Variants in FGD2 observed in about 807,000 individuals in gnomAD.
FGD2 encodes the protein FYVE, RhoGEF and PH domain-containing protein 2.
FGD2 carries 52 observed loss-of-function variants against 75.9 expected under a neutral mutation model. The ratio of observed to expected loss-of-function variants is 0.69; its 90% CI spans 0.55 to 0.86. FGD2 has a LOEUF of 0.86. FGD2 is among the 40% of genes least tolerant of loss of function. The probability of loss-of-function intolerance (pLI) is 0.00; values close to 1 mark genes in which losing one functional copy is unlikely to be tolerated. For missense variants in FGD2, 790 were observed against 872.0 expected (o/e 0.91, Z 1.18); for synonymous variants, 347 against 348.6 (o/e 1.00, Z 0.05).
At chr6:37,015,298 T>C (rs145002743) in intron 8 of FGD2, among the ~76,000 whole-genome samples, 1 of 152,348 alleles carries the variant, frequency 6.6e-6, no homozygotes, top group East Asian at 1.9e-4. Context: ...CCAGTCTGAC[T>C]GCAAAGCCTG....
chr6:37,018,432 T>G (rs745313883), intron 9 of FGD2, among the ~76,000 whole-genome samples: 30 of 152,316 alleles, frequency 2.0e-4, no homozygotes, highest in Non-Finnish European at 4.0e-4. Context: ...GTCTGTGATT[T>G]GGAGGCAAAT....
chr6:37,020,425 G>C, intron 9 of FGD2, 116 bp from the exon 10 acceptor site: 1 of 980,690 alleles, frequency 1.0e-6, no homozygotes, highest in Non-Finnish European at 1.5e-6. Context: ...CTGCATCCCT[G>C]TCTCTCGAAT....
At chr6:37,021,335 G>A (rs914032248) in intron 11 of FGD2, among the ~76,000 whole-genome samples, 177 bp from the exon 12 acceptor site, 3 of 152,170 alleles carry the variant, frequency 2.0e-5, no homozygotes, top group African/African-American at 7.2e-5. Flanking sequence ...TTTTACATCT[G>A]TAACCTGGGG....
intron 10 of FGD2, 27 bp from the exon 11 acceptor site, chr6:37,020,682 C>T (rs944768162): frequency 3.8e-6 from 6 of 1,576,770 alleles, no homozygotes; most frequent in African/African-American, 1.3e-5. Flanking sequence ...CTGATCTCCT[C>T]AACACCTGTG....
Position 37,016,143 on chromosome 6 carries a change from C to T in FGD2, c.1122+283C>T, listed in dbSNP as rs556984098. Among the ~76,000 whole-genome samples, 76 of 152,322 alleles carry T rather than the reference C, an allele frequency of 5.0e-4. No individual in the cohort carries two copies. The South Asian group carries it at 0.016, about 31-fold the overall frequency. ...ACTGTTTATACCACTGCTTCAAAAA[C>T]TTTCATGTGTGCGCGAATCCTCTGG... On this transcript the variant is annotated intron_variant, in intron 9 of 15. Coordinates refer to ENST00000274963, the MANE Select transcript of FGD2 (RefSeq NM_173558.4).
chr6:37,014,819 CCCA>C (rs1403155616), intron 7 of FGD2, 70 bp from the exon 8 acceptor site: 112 of 1,609,190 alleles, frequency 7.0e-5, no homozygotes, highest in Non-Finnish European at 9.2e-5. Context: ...AGTCCCCGTC[CCCA>C]CAAGGCAAGC....
intron 3 of FGD2, 198 bp downstream of exon 3, chr6:37,011,248 C>T: frequency 1.6e-6 from 1 of 611,096 alleles, no homozygotes; most frequent in Admixed American, 2.8e-5. Flanking sequence ...CCCCATTCTG[C>T]CTGTGGTGCC....
intron 11 of FGD2, 57 bp downstream of exon 11, chr6:37,020,796 TTTTC>T: frequency 6.5e-7 from 1 of 1,548,432 alleles, no homozygotes; most frequent in Non-Finnish European, 8.7e-7. Flanking sequence ...TTTTTTCTTT[TTTTC>T]TTTCTTGGTA....
chr6:37,015,985 T>TG (rs1416429257), intron 9 of FGD2, 125 bp downstream of exon 9: 9 of 853,802 alleles, frequency 1.1e-5, no homozygotes, highest in Non-Finnish European at 1.6e-5. Flanking sequence ...TGGGCAAACA[T>TG]GGAGATGGAA....
At position 37,011,346 on chromosome 6, in the gene FGD2, C is replaced by T. The variant is rs779819761; in HGVS notation, c.378+296C>T. On this transcript the variant is annotated intron_variant, in intron 3 of 15. Transcript: ENST00000274963. The stretch of plus-strand genomic sequence containing the variant: ...TCATCTGTCATCTCAATGCCCACAA[C>T]CTCACAACGATCTTACCTTTCATAG... 4 of 559,892 alleles carry T rather than the reference C, an allele frequency of 7.1e-6. 1 individual carries two copies. The highest frequency in any genetic ancestry group is 1.3e-5 in the Non-Finnish European group (4 of 313,630). 34.7% of individuals were successfully genotyped at this position (559,892 alleles called of 1,614,324 possible).
intron 8 of FGD2, 31 bp downstream of exon 8, chr6:37,015,069 C>G (rs778193836): frequency 6.2e-7 from 1 of 1,601,670 alleles, no homozygotes; most frequent in Non-Finnish European, 8.5e-7. Context: ...CCTCTCCACA[C>G]TGGGGAGGGA....
intron 1 of FGD2, among the ~76,000 whole-genome samples, chr6:37,008,137 C>T (rs1764836114): frequency 6.6e-6 from 1 of 152,178 alleles, no homozygotes; most frequent in African/African-American, 2.4e-5. Context: ...TTTGGCCTTC[C>T]ATTTCCTGGC....
At chr6:37,015,721 T>A (rs745410036) in intron 8 of FGD2, 47 bp from the exon 9 acceptor site, 1 of 1,534,310 alleles carries the variant, frequency 6.5e-7, no homozygotes, top group Non-Finnish European at 8.8e-7. Context: ...CACCTAGCCA[T>A]CCTCCCTGCC....
At chr6:37,011,954 C>A (rs755658495) in intron 4 of FGD2, 100 bp downstream of exon 4, 124 of 1,362,708 alleles carry the variant, frequency 9.1e-5, no homozygotes, top group Admixed American at 4.9e-4. Context: ...TAGGCCCAGG[C>A]CCTTATTGTG....
chr6:37,013,531 A>C, intron 4 of FGD2, 78 bp from the exon 5 acceptor site: 1 of 1,541,840 alleles, frequency 6.5e-7, no homozygotes, highest in Non-Finnish European at 8.7e-7. Flanking sequence ...GGATTCAGGG[A>C]GCCTGGCCTC....
Position 37,005,896 on chromosome 6 carries a change from C to T in FGD2, c.68+11C>T, listed in dbSNP as rs763938405. 1.2e-6 allele frequency: 2 copies of T among 1,612,804 alleles called. No homozygotes were observed. Among genetic ancestry groups the T allele is most frequent in the South Asian group, 1.1e-5 (1 of 90,592 alleles). On this transcript the variant is annotated intron_variant, in intron 1 of 15. Coordinates refer to ENST00000274963, the MANE Select transcript of FGD2 (RefSeq NM_173558.4). ...GTTTGAGAATAGCAGGTATGGGCAG[C>T]TGGGGTGGGAGGGTCACCATGGTGG...
intron 9 of FGD2, among the ~76,000 whole-genome samples, chr6:37,017,112 T>A (rs1765336438): frequency 6.6e-6 from 1 of 152,144 alleles, no homozygotes; most frequent in Non-Finnish European, 1.5e-5. Context: ...TGCTTTTTTT[T>A]TTTTAACTAA....
chr6:37,017,495 C>T (rs940921), intron 9 of FGD2, among the ~76,000 whole-genome samples: 67,351 of 152,092 alleles, frequency 0.44, 15,683 homozygotes, highest in East Asian at 0.66. Flanking sequence ...CTAACCACCA[C>T]GCTCTGCTGT....
intron 2 of FGD2, among the ~76,000 whole-genome samples, chr6:37,010,586 C>A (rs138560622): frequency 6.6e-6 from 1 of 152,182 alleles, no homozygotes; most frequent in Non-Finnish European, 1.5e-5. Context: ...CAGGGACAGC[C>A]GGAAGACTGG....
Sources: allele counts gnomAD v4.1 joint callset (sites outside exome capture counted in the v4.1 genomes callset), GRCh38; gene constraint gnomAD v4.1.1; transcripts MANE v1.5; gene names NCBI Gene and HGNC (gene_info 2026-07-23, HGNC 2026-07-21).